The following PIK3CD variants were observed in gnomAD, a reference collection of about 807,000 sequenced individuals.
The protein encoded by PIK3CD is phosphatidylinositol-4,5-bisphosphate 3-kinase catalytic subunit delta, also known as phosphatidylinositol 4,5-bisphosphate 3-kinase catalytic subunit delta isoform.
PIK3CD carries 20 observed loss-of-function variants against 122.9 expected under a neutral mutation model. That is an observed-to-expected ratio of 0.16 (90% CI 0.11 to 0.24). PIK3CD has a LOEUF of 0.24. Ranked by LOEUF, PIK3CD falls within the 10% of genes least tolerant of loss-of-function variation. The pLI is 1.00. For missense variants in PIK3CD, 787 were observed against 1,406.3 expected (o/e 0.56, Z 7.04); for synonymous variants, 596 against 593.4 (o/e 1.00, Z -0.06).
chr1:9,704,113 G>C lies in PIK3CD; in HGVS notation c.-32-6311G>C, dbSNP rs1365102925. 6.6e-6 allele frequency among the ~76,000 whole-genome samples: 1 copy of C among 152,178 alleles called. No homozygotes were observed. The highest frequency in any genetic ancestry group is 1.5e-5 in the Non-Finnish European group (1 of 68,032). ...GCTAGAGAGAGGTTCTTAGCCCAGA[G>C]AGACGGAAGGCACTTCCACTTTCTC... is the stretch of plus-strand genomic sequence containing the variant. On this transcript the variant is annotated intron_variant, in intron 2 of 23. Transcript: ENST00000377346. The surrounding 1 kb of genome is among the most constrained non-coding windows in gnomAD (Gnocchi z 5.0).
rs529163303 is a variant in PIK3CD, at chr1:9,694,918, T to C, written c.-33+3347T>C. On this transcript the variant is annotated intron_variant, in intron 2 of 23. Transcript: ENST00000377346. ...TTGAGGCTGCAGTGAGCCATGATCATACCAGTGCACTCCAGCCTGGGTGAC... is the reference window on the plus strand; with the variant it reads ...TTGAGGCTGCAGTGAGCCATGATCACACCAGTGCACTCCAGCCTGGGTGAC... Among the ~76,000 whole-genome samples, 232 of 151,918 alleles carry C rather than the reference T, an allele frequency of 1.5e-3. 1 individual carries two copies. Among genetic ancestry groups the C allele is most frequent in the Non-Finnish European group, 2.8e-3 (192 of 67,964 alleles).
the PIK3CD span, among the ~76,000 whole-genome samples, chr1:9,628,035 C>A: frequency 6.6e-6 from 1 of 151,580 alleles, no homozygotes; most frequent in Non-Finnish European, 1.5e-5. Flanking sequence ...GGCGACAGAG[C>A]GAGACGCCTG....
intron 1 of PIK3CD, among the ~76,000 whole-genome samples, chr1:9,667,019 A>G (rs561212995): frequency 1.3e-5 from 2 of 152,164 alleles, no homozygotes; most frequent in Admixed American, 1.3e-4. Flanking sequence ...GTACACCGCC[A>G]TGCCTGGCTA....
At chr1:9,674,613 C>T (rs914492700) in intron 1 of PIK3CD, among the ~76,000 whole-genome samples, 15 of 147,116 alleles carry the variant, frequency 1.0e-4, no homozygotes, top group African/African-American at 7.6e-5. Flanking sequence ...TTGCTTGAAC[C>T]GGAGAGGTGG....
chr1:9,717,688 C>G lies in PIK3CD; in HGVS notation c.1020+62C>G. 1 of 1,443,180 alleles carries G rather than the reference C, an allele frequency of 6.9e-7. No individual in the cohort carries two copies. The highest frequency in any genetic ancestry group is 9.7e-7 in the Non-Finnish European group (1 of 1,030,912). The allele number at this position is 1,443,180 out of a possible 1,614,324, so 89.4% of individuals were successfully genotyped here. The stretch of plus-strand genomic sequence containing the variant: ...TTTTGCACAAACAAGGTGGCTGTAT[C>G]CTGGAGGGGTAGCAGAGGAAGGAGG... On this transcript the variant is annotated intron_variant, in intron 8 of 23. Coordinates refer to ENST00000377346, the MANE Select transcript of PIK3CD (RefSeq NM_005026.5). This position sits in a 1 kb window ranked among gnomAD's most constrained non-coding sequence, Gnocchi z 5.4.
chr1:9,723,078 C>T lies in PIK3CD; in HGVS notation c.2427-47C>T, dbSNP rs1648943017. 1.3e-6 allele frequency: 2 copies of T among 1,594,396 alleles called. No homozygotes were observed. Among genetic ancestry groups the T allele is most frequent in the Non-Finnish European group, 1.7e-6 (2 of 1,163,410 alleles). On this transcript the variant is annotated intron_variant, in intron 19 of 23. Coordinates refer to ENST00000377346, the MANE Select transcript of PIK3CD (RefSeq NM_005026.5). The surrounding 1 kb of genome is among the most constrained non-coding windows in gnomAD (Gnocchi z 4.9). ...TCTGGGGCTCAAGTGGCCTCAGGGACAGCCCTTGACCATGCCATTTGCCCG... is the reference window on the plus strand; with the variant it reads ...TCTGGGGCTCAAGTGGCCTCAGGGATAGCCCTTGACCATGCCATTTGCCCG...
At position 9,722,398 on chromosome 1, in the gene PIK3CD, G is replaced by A. The variant is rs779268389; in HGVS notation, c.2347+42G>A. ...CCCACACCCCGCCTGTACTGCCCTG[G>A]GGGGTCCTGGGGTGCTCCTAGAGTG... is the stretch of plus-strand genomic sequence containing the variant. On this transcript the variant is annotated intron_variant, in intron 18 of 23. Transcript: ENST00000377346. This position sits in a 1 kb window ranked among gnomAD's most constrained non-coding sequence, Gnocchi z 7.6. 3.2e-6 allele frequency: 5 copies of A among 1,568,450 alleles called. No individual in the cohort carries two copies. Among genetic ancestry groups the A allele is most frequent in the Admixed American group, 3.4e-5 (2 of 58,752 alleles).
chr1:9,728,912 A>AAAAG lies in PIK3CD; in HGVS notation c.*1874_*1877dup, dbSNP rs956172024. 1 of 152,244 alleles carries AAAAG rather than the reference A, an allele frequency of 6.6e-6. No homozygotes were observed. The highest frequency in any genetic ancestry group is 2.4e-5 in the African/African-American group (1 of 41,452). The allele number at this position is 152,244 out of a possible 1,614,324, so 9.4% of individuals were successfully genotyped here. A position where few individuals can be genotyped will look rare whatever the true frequency, so the allele number is the denominator to read the frequency against. On this transcript the variant is annotated 3_prime_UTR_variant, in exon 24 of 24. Transcript: ENST00000377346. ...TTGAAATGAGAAGTAAAGGCAGATGAAAAGAAAGAAAAAGCCTTTTTATGT... is the reference window on the plus strand; with the variant it reads ...TTGAAATGAGAAGTAAAGGCAGATGAAAAGAAAGAAAGAAAAAGCCTTTTTATGT...
chr1:9,694,960 T>G (rs879764393), intron 2 of PIK3CD, among the ~76,000 whole-genome samples: 4 of 148,078 alleles, frequency 2.7e-5, no homozygotes, highest in Non-Finnish European at 4.4e-5. Context: ...AGACCCTGTC[T>G]CAAAAACAAA....
At chr1:9,670,845 C>T (rs1487400122) in intron 1 of PIK3CD, among the ~76,000 whole-genome samples, 2 of 150,310 alleles carry the variant, frequency 1.3e-5, no homozygotes, top group South Asian at 2.1e-4. Flanking sequence ...GTAGCCTCCA[C>T]CTTCCTGGTT....
At chr1:9,707,396 C>G (rs150259746) in intron 2 of PIK3CD, among the ~76,000 whole-genome samples, 2 of 145,668 alleles carry the variant, frequency 1.4e-5, no homozygotes, top group Non-Finnish European at 3.0e-5. Context: ...TTCAGGGGTA[C>G]GTTGCAGGTT....
intron 23 of PIK3CD, among the ~76,000 whole-genome samples, chr1:9,725,391 TA>T (rs1019884905): frequency 1.3e-5 from 2 of 151,366 alleles, no homozygotes; most frequent in African/African-American, 4.9e-5. Context: ...CCGTCTCTAC[TA>T]AAAATACAAA....
chr1:9,641,134 G>C, the PIK3CD span, among the ~76,000 whole-genome samples: 1 of 152,166 alleles, frequency 6.6e-6, no homozygotes, highest in African/African-American at 2.4e-5. Flanking sequence ...ATAAACTCCA[G>C]GGGGTTGCGG....
chr1:9,719,517 C>T lies in PIK3CD; in HGVS notation c.1243-404C>T, dbSNP rs1407960001. Among the ~76,000 whole-genome samples the T allele has an allele frequency of 4.6e-5, 7 of 152,094 alleles. 1 individual carries two copies. The highest frequency in any genetic ancestry group is 4.1e-4 in the South Asian group (2 of 4,830). Reference sequence around the variant, plus strand: ...CTACTGAAAATACAAAAAAATTAGCCGGGCGTGGAGGCACATGCCTGTAAT... The same window carrying T: ...CTACTGAAAATACAAAAAAATTAGCTGGGCGTGGAGGCACATGCCTGTAAT... On this transcript the variant is annotated intron_variant, in intron 9 of 23. Coordinates refer to ENST00000377346, the MANE Select transcript of PIK3CD (RefSeq NM_005026.5). This position sits in a 1 kb window ranked among gnomAD's most constrained non-coding sequence, Gnocchi z 5.5.
intron 1 of PIK3CD, among the ~76,000 whole-genome samples, chr1:9,690,307 C>T (rs547529538): frequency 5.6e-4 from 86 of 152,306 alleles, no homozygotes; most frequent in African/African-American, 2.0e-3. Context: ...TTTCCTGACC[C>T]GAATTCCTGA....
intron 1 of PIK3CD, chr1:9,662,451 C>T (rs774145406): frequency 1.9e-5 from 3 of 153,960 alleles, no homozygotes; most frequent in South Asian, 2.0e-4. Flanking sequence ...AACCTGGACC[C>T]GCTTTGCTGG....
intron 15 of PIK3CD, 60 bp from the exon 16 acceptor site, chr1:9,721,701 T>G: frequency 6.2e-7 from 1 of 1,605,870 alleles, no homozygotes; most frequent in Non-Finnish European, 8.5e-7. Flanking sequence ...TAGGTCCTGC[T>G]GGGCGGGAGG....
chr1:9,671,887 G>C (rs768511796), intron 1 of PIK3CD, among the ~76,000 whole-genome samples: 2 of 152,204 alleles, frequency 1.3e-5, no homozygotes, highest in Admixed American at 6.6e-5. Context: ...CACTCAAGGG[G>C]CCTGGACTGG....
chr1:9,663,290 C>A (rs116412812), intron 1 of PIK3CD, among the ~76,000 whole-genome samples: 2,195 of 152,328 alleles, frequency 0.014, 47 homozygotes, highest in African/African-American at 0.049. Context: ...GGAAGCTACC[C>A]CACAGCCCTG....
Sources: allele counts gnomAD v4.1 joint callset (sites outside exome capture counted in the v4.1 genomes callset), GRCh38; gene constraint gnomAD v4.1.1; non-coding constraint Gnocchi (gnomAD v3.1); transcripts MANE v1.5; gene names NCBI Gene and HGNC (gene_info 2026-07-23, HGNC 2026-07-21).